Variants in HMBOX1 observed in about 807,000 individuals in gnomAD.
The protein encoded by HMBOX1 is homeobox-containing protein 1.
Under a neutral mutation model 54.5 loss-of-function variants are expected in HMBOX1, and 14 were observed. The ratio of observed to expected loss-of-function variants is 0.26; its 90% CI spans 0.17 to 0.40. HMBOX1 has a LOEUF of 0.40. Among genes scored for constraint, HMBOX1 ranks in the 10% least tolerant of loss-of-function variants. HMBOX1 has a pLI of 1.00. For missense variants in HMBOX1, 332 were observed against 514.4 expected (o/e 0.65, Z 3.43); for synonymous variants, 160 against 181.0 (o/e 0.88, Z 0.93).
chr8:29,037,079 A>C (rs1162441225), intron 6 of HMBOX1, among the ~76,000 whole-genome samples: 1 of 152,156 alleles, frequency 6.6e-6, no homozygotes, highest in African/African-American at 2.4e-5. Flanking sequence ...TTCTATTTTA[A>C]AACCTTAAGA....
intron 1 of HMBOX1, among the ~76,000 whole-genome samples, chr8:28,918,276 T>C (rs935603101): frequency 2.6e-5 from 4 of 152,236 alleles, no homozygotes; most frequent in Non-Finnish European, 4.4e-5. Flanking sequence ...CGATCTCGGC[T>C]CACCACAACC....
At chr8:29,049,290 G>C in intron 9 of HMBOX1, 1 of 1,536,234 alleles carries the variant, frequency 6.5e-7, no homozygotes, top group Non-Finnish European at 8.7e-7. Context: ...CATACAACAG[G>C]ATACTTGGCA....
Position 28,890,648 on chromosome 8 carries a change from C to G in HMBOX1, c.-88C>G, listed in dbSNP as rs1422617489. ...TGGGACGTTGGGGAGGGGGCTGTGC[C>G]GGGCGGAGAGAACTCAGCGAGGATT... On this transcript the variant is annotated 5_prime_UTR_variant, in exon 1 of 10. Transcript: ENST00000287701. 1 of 152,914 alleles carries G rather than the reference C, an allele frequency of 6.5e-6. No homozygotes were observed. Among genetic ancestry groups the G allele is most frequent in the East Asian group, 1.9e-4 (1 of 5,166 alleles). The allele number at this position is 152,914 out of a possible 1,614,324, so 9.5% of individuals were successfully genotyped here.
At chr8:28,927,894 TG>T (rs1358136729) in intron 1 of HMBOX1, among the ~76,000 whole-genome samples, 2 of 149,840 alleles carry the variant, frequency 1.3e-5, no homozygotes, top group African/African-American at 4.9e-5. Flanking sequence ...CCCAGCACTT[TG>T]AGAGGCTGAG....
At chr8:28,914,406 T>A (rs1442392044) in intron 1 of HMBOX1, among the ~76,000 whole-genome samples, 1 of 152,190 alleles carries the variant, frequency 6.6e-6, no homozygotes, top group Admixed American at 6.5e-5. Context: ...CCCCATCTAT[T>A]AAAGAATGGC....
chr8:28,911,251 G>T (rs536347328), intron 1 of HMBOX1, among the ~76,000 whole-genome samples: 1 of 152,218 alleles, frequency 6.6e-6, no homozygotes, highest in Non-Finnish European at 1.5e-5. Context: ...AGAAGACCTG[G>T]GGGGAGGGTG....
chr8:29,018,471 A>C (rs1800666481), intron 5 of HMBOX1, among the ~76,000 whole-genome samples: 1 of 152,134 alleles, frequency 6.6e-6, no homozygotes, highest in Non-Finnish European at 1.5e-5. Context: ...AAAAGAAAAG[A>C]GTTTACAAGA....
intron 1 of HMBOX1, among the ~76,000 whole-genome samples, chr8:28,916,727 C>A (rs1371358406): frequency 3.9e-5 from 6 of 151,990 alleles, no homozygotes; most frequent in Non-Finnish European, 7.4e-5. Context: ...GTAAGTCTTA[C>A]AATCAGTTAA....
At chr8:28,907,515 T>C (rs1016369013) in intron 1 of HMBOX1, among the ~76,000 whole-genome samples, 27 of 152,330 alleles carry the variant, frequency 1.8e-4, no homozygotes, top group African/African-American at 5.8e-4. Flanking sequence ...TTATCTCTAT[T>C]ATATAGTGTA....
chr8:29,001,434 C>T (rs1011150737), intron 4 of HMBOX1, among the ~76,000 whole-genome samples: 3 of 152,046 alleles, frequency 2.0e-5, no homozygotes, highest in East Asian at 1.9e-4. Flanking sequence ...CCTGTAATCC[C>T]GGCTACTCAG....
intron 1 of HMBOX1, among the ~76,000 whole-genome samples, chr8:28,915,287 G>A (rs971364977): frequency 1.3e-5 from 2 of 152,082 alleles, no homozygotes; most frequent in Admixed American, 6.6e-5. Flanking sequence ...ACTGGGCGCC[G>A]TGGCTCACGC....
intron 1 of HMBOX1, among the ~76,000 whole-genome samples, chr8:28,948,798 C>T (rs944532007): frequency 3.3e-5 from 5 of 152,024 alleles, no homozygotes; most frequent in Non-Finnish European, 1.5e-5. Flanking sequence ...TTACCTTATT[C>T]TAGCTTAATG....
intron 3 of HMBOX1, among the ~76,000 whole-genome samples, chr8:28,977,463 A>G (rs1008243916): frequency 2.0e-5 from 3 of 152,308 alleles, no homozygotes; most frequent in East Asian, 1.9e-4. Context: ...ATATAAGCCA[A>G]TTGAAATAGT....
chr8:28,906,996 A>ACCCC (rs1814468563), intron 1 of HMBOX1, among the ~76,000 whole-genome samples: 1 of 152,246 alleles, frequency 6.6e-6, no homozygotes, highest in African/African-American at 2.4e-5. Flanking sequence ...AAAATTATTG[A>ACCCC]AAATGTTATC....
chr8:29,049,436 A>T (rs2133395879), intron 9 of HMBOX1: 1 of 1,512,052 alleles, frequency 6.6e-7, no homozygotes, highest in East Asian at 2.5e-5. Context: ...TGTTTGAGAA[A>T]TACTAGGGGC....
At chr8:29,048,587 C>CGTGG (rs1176979545) in intron 8 of HMBOX1, 5 of 156,756 alleles carry the variant, frequency 3.2e-5, no homozygotes, top group African/African-American at 1.2e-4. Flanking sequence ...GCGCATTGAG[C>CGTGG]GTGGTATGGG....
At chr8:28,979,957 A>G (rs1829073502) in intron 3 of HMBOX1, 114 bp from the exon 4 acceptor site, 1 of 774,536 alleles carries the variant, frequency 1.3e-6, no homozygotes, top group Non-Finnish European at 2.3e-6. Context: ...TTTACCCTTT[A>G]TTTTTGTGTC....
intron 1 of HMBOX1, among the ~76,000 whole-genome samples, chr8:28,951,092 G>A (rs1176407691): frequency 6.6e-6 from 1 of 152,168 alleles, no homozygotes; most frequent in African/African-American, 2.4e-5. Flanking sequence ...CTGTTCATGA[G>A]TTAGTTCAGC....
At chr8:28,996,674 C>T (rs532840415) in intron 4 of HMBOX1, among the ~76,000 whole-genome samples, 3 of 152,252 alleles carry the variant, frequency 2.0e-5, no homozygotes, top group South Asian at 2.1e-4. Context: ...GCTAAGAAAA[C>T]GCCTATTCCC....
Sources: gnomAD v4.1 joint callset for allele counts (sites outside exome capture counted in the v4.1 genomes callset) on GRCh38, gnomAD v4.1.1 for gene constraint, MANE v1.5 for transcripts, NCBI Gene and HGNC (gene_info 2026-07-23, HGNC 2026-07-21) for gene names.